Variants in FRMPD1 observed in about 807,000 individuals in gnomAD.
FRMPD1 encodes the protein FERM and PDZ domain containing 1.
Under a neutral mutation model 117.8 loss-of-function variants are expected in FRMPD1, and 76 were observed. The observed-to-expected ratio is 0.65, with a 90% CI of 0.54 to 0.78. The LOEUF (loss-of-function observed/expected upper bound fraction) is 0.78, where lower values mean the gene tolerates loss of function less well. Among genes scored for constraint, FRMPD1 ranks in the 30% least tolerant of loss-of-function variants. The probability of loss-of-function intolerance (pLI) is 0.00; values close to 1 mark genes in which losing one functional copy is unlikely to be tolerated. For missense variants in FRMPD1, 1,786 were observed against 1,964.5 expected (o/e 0.91, Z 1.72); for synonymous variants, 783 against 770.4 (o/e 1.02, Z -0.27).
At position 37,687,301 on chromosome 9, in the gene FRMPD1, C is replaced by T. The variant is rs374949133; in HGVS notation, c.-4-5337C>T. ...GGAATATGTGTCTTCCACATGGTGG[C>T]CCTTAGGCTCTTTGTGAACCATGAT... On this transcript the variant is annotated intron_variant, in intron 1 of 15. Coordinates refer to ENST00000377765, the MANE Select transcript of FRMPD1 (RefSeq NM_014907.3). 1.5e-3 allele frequency among the ~76,000 whole-genome samples: 221 copies of T among 152,312 alleles called. 1 individual carries two copies. The highest frequency in any genetic ancestry group is 0.013 in the South Asian group (65 of 4,830).
At chr9:37,675,511 A>T (rs1262696197) in intron 1 of FRMPD1, among the ~76,000 whole-genome samples, 3 of 151,570 alleles carry the variant, frequency 2.0e-5, no homozygotes, top group Non-Finnish European at 2.9e-5. Flanking sequence ...ATTGTTAAGG[A>T]GGTCACATTT....
At position 37,740,223 on chromosome 9, in the gene FRMPD1, A is replaced by C; in HGVS notation, c.1695A>C (p.Thr565=). The C allele has an allele frequency of 6.2e-7, 1 of 1,613,822 alleles. No individual in the cohort carries two copies. Among genetic ancestry groups the C allele is most frequent in the East Asian group, 2.2e-5 (1 of 44,860 alleles). The change falls in exon 15 of 16, where the codon ACA becomes ACC. Residue 565 remains threonine, a synonymous_variant. Transcript: ENST00000377765. The surrounding 1 kb of genome is among the most constrained non-coding windows in gnomAD (Gnocchi z 4.2). ...AGCAGCCTCCTGGGAACAGCCCCAC[A>C]CCTGAGGTGGCTAGGAGGGGCCCCA... The part of the protein sequence containing the change: ...KEEQPPGNSP[T]PEVARRGPST...
the FRMPD1 span, among the ~76,000 whole-genome samples, chr9:37,608,145 G>A: frequency 2.0e-5 from 3 of 152,202 alleles, no homozygotes; most frequent in African/African-American, 7.2e-5. Context: ...CTTCCCCACA[G>A]GGTCCTTGCT....
chr9:37,718,624 T>G (rs1823254925), intron 5 of FRMPD1, among the ~76,000 whole-genome samples: 1 of 152,182 alleles, frequency 6.6e-6, no homozygotes, highest in African/African-American at 2.4e-5. Context: ...TCCTATATTG[T>G]GTAGATGGGA....
At chr9:37,655,989 C>T (rs2119366573) in intron 1 of FRMPD1, among the ~76,000 whole-genome samples, 1 of 152,330 alleles carries the variant, frequency 6.6e-6, no homozygotes, top group Admixed American at 6.5e-5. Flanking sequence ...TTCCCTGATA[C>T]TTGGTACCTC....
the FRMPD1 span, among the ~76,000 whole-genome samples, chr9:37,643,277 G>T: frequency 2.6e-5 from 4 of 151,928 alleles, no homozygotes; most frequent in African/African-American, 9.7e-5. Context: ...TTATATTTTG[G>T]TTATTGCTTT....
the FRMPD1 span, among the ~76,000 whole-genome samples, chr9:37,606,592 G>A: frequency 6.6e-6 from 1 of 152,194 alleles, no homozygotes; most frequent in Non-Finnish European, 1.5e-5. Context: ...CCACCACGCT[G>A]AATATGCACA....
the FRMPD1 span, among the ~76,000 whole-genome samples, chr9:37,637,987 T>A: frequency 1.8e-5 from 2 of 108,740 alleles, no homozygotes; most frequent in African/African-American, 6.7e-5. Context: ...TTTCTTTCTT[T>A]CTTTCTTTCT....
chr9:37,693,941 T>C (rs1822234597), intron 2 of FRMPD1, among the ~76,000 whole-genome samples: 1 of 152,186 alleles, frequency 6.6e-6, no homozygotes, highest in Non-Finnish European at 1.5e-5. Flanking sequence ...TAGGACCCCG[T>C]AGTATTTTAT....
intron 1 of FRMPD1, among the ~76,000 whole-genome samples, chr9:37,676,383 G>A (rs1821528876): frequency 6.6e-6 from 1 of 152,080 alleles, no homozygotes; most frequent in Non-Finnish European, 1.5e-5. Flanking sequence ...CTTTTAAAGT[G>A]GGGTGACTCA....
At chr9:37,717,341 ATGTGTGTGTGTG>A (rs59852335) in intron 5 of FRMPD1, among the ~76,000 whole-genome samples, 2 of 120,164 alleles carry the variant, frequency 1.7e-5, no homozygotes, top group African/African-American at 3.1e-5. Flanking sequence ...ATGTGTATAT[ATGTGTGTGTGTG>A]TGTGTGTGTG....
intron 8 of FRMPD1, among the ~76,000 whole-genome samples, chr9:37,730,329 A>C (rs1823814735): frequency 1.3e-5 from 2 of 152,190 alleles, no homozygotes; most frequent in African/African-American, 4.8e-5. Context: ...CCAACCATTC[A>C]ATAATATGTT....
chr9:37,663,604 T>C (rs1219588300), intron 1 of FRMPD1, among the ~76,000 whole-genome samples: 1 of 152,356 alleles, frequency 6.6e-6, no homozygotes, highest in Middle Eastern at 3.4e-3. Context: ...TATCTTTCAA[T>C]TCTAGTGTTC....
the FRMPD1 span, among the ~76,000 whole-genome samples, chr9:37,611,649 G>T: frequency 6.6e-6 from 1 of 152,068 alleles, no homozygotes. Flanking sequence ...TAAAAGCTAT[G>T]TGTAACAGAA....
At chr9:37,607,170 C>A in the FRMPD1 span, among the ~76,000 whole-genome samples, 1 of 151,998 alleles carries the variant, frequency 6.6e-6, no homozygotes, top group Non-Finnish European at 1.5e-5. Context: ...CAAAAATTAG[C>A]CAAGCATGGT....
At chr9:37,666,974 T>C (rs1473507822) in intron 1 of FRMPD1, among the ~76,000 whole-genome samples, 1 of 151,864 alleles carries the variant, frequency 6.6e-6, no homozygotes, top group East Asian at 1.9e-4. Context: ...GCCCATACCA[T>C]CTTTCAGTTC....
At chr9:37,618,374 A>T in the FRMPD1 span, among the ~76,000 whole-genome samples, 2 of 152,152 alleles carry the variant, frequency 1.3e-5, no homozygotes, top group Non-Finnish European at 2.9e-5. Context: ...CAAGAGTGGC[A>T]GTTCTCCCTC....
the FRMPD1 span, among the ~76,000 whole-genome samples, chr9:37,605,070 T>G: frequency 6.6e-6 from 1 of 152,250 alleles, no homozygotes; most frequent in African/African-American, 2.4e-5. Flanking sequence ...GCAGTTCCAC[T>G]GTGGAGTCGT....
chr9:37,658,663 C>T (rs1218269926), intron 1 of FRMPD1, among the ~76,000 whole-genome samples: 1 of 152,156 alleles, frequency 6.6e-6, no homozygotes, highest in African/African-American at 2.4e-5. Context: ...TCTCTGCCTC[C>T]CTGGTCACGT....
Sources: allele counts gnomAD v4.1 joint callset (sites outside exome capture counted in the v4.1 genomes callset), GRCh38; gene constraint gnomAD v4.1.1; non-coding constraint Gnocchi (gnomAD v3.1); transcripts MANE v1.5; gene names NCBI Gene and HGNC (gene_info 2026-07-23, HGNC 2026-07-21).